Variants in IL12RB1 observed in about 807,000 individuals in gnomAD.
The protein encoded by IL12RB1 is interleukin 12 receptor subunit beta 1.
Under a neutral mutation model 94.4 loss-of-function variants are expected in IL12RB1, and 64 were observed. That is an observed-to-expected ratio of 0.68 (90% CI 0.55 to 0.83). The LOEUF (loss-of-function observed/expected upper bound fraction) is 0.83, where lower values mean the gene tolerates loss of function less well. Among genes scored for constraint, IL12RB1 ranks in the 40% least tolerant of loss-of-function variants. The pLI is 0.00. For missense variants in IL12RB1, 814 were observed against 855.6 expected, an observed-to-expected ratio of 0.95 and a Z score of 0.61; for synonymous variants, 362 against 355.5, an observed-to-expected ratio of 1.02 and a Z score of -0.21.
intron 11 of IL12RB1, among the ~76,000 whole-genome samples, chr19:18,067,089 C>T (rs1446684887): frequency 6.7e-6 from 1 of 149,956 alleles, no homozygotes; most frequent in Non-Finnish European, 1.5e-5. Context: ...ATTGGGAGGC[C>T]AAGGTGGGTA....
chr19:18,074,382 C>A (rs447009), intron 7 of IL12RB1, among the ~76,000 whole-genome samples: 23,000 of 152,114 alleles, frequency 0.15, 2,049 homozygotes, highest in Non-Finnish European at 0.21. Context: ...CTGTTTAGTA[C>A]ACCCTGCCAC....
At chr19:18,084,010 CCCATCCATCCAT>C (rs55727878) in intron 1 of IL12RB1, among the ~76,000 whole-genome samples, 14 of 140,000 alleles carry the variant, frequency 1.0e-4, no homozygotes, top group African/African-American at 3.0e-4. Flanking sequence ...CACCCATCTA[CCCATCCATCCAT>C]CCATCCATCC....
intron 6 of IL12RB1, 45 bp downstream of exon 6, chr19:18,076,252 C>T (rs150619588): frequency 3.9e-6 from 4 of 1,031,256 alleles, no homozygotes; most frequent in African/African-American, 1.6e-5. Flanking sequence ...TCAATTAATG[C>T]CAATTTGCTG....
chr19:18,086,510 T>C (rs1025381319), intron 1 of IL12RB1, among the ~76,000 whole-genome samples: 1 of 151,984 alleles, frequency 6.6e-6, no homozygotes, highest in Admixed American at 6.6e-5. Context: ...CCTTCCTTAG[T>C]TTTTTTTCTC....
In IL12RB1 at chr19:18,061,173, C is replaced by A. The variant is rs775800683; in HGVS notation, c.1740G>T (p.Pro580=). The change falls in exon 15 of 17, where the codon CCG becomes CCT. Residue 580 remains proline (P), a synonymous_variant. Coordinates refer to ENST00000593993, the MANE Select transcript of IL12RB1 (RefSeq NM_005535.3). ...CGGAGCTGGCACAGGGTGTGGGCAG[C>A]GGCGGGCACAGGTGCCGTGCGGCCC... ...LNRAARHLCP[P]LPTPCASSAI... 2.5e-6 allele frequency: 4 copies of A among 1,595,910 alleles called. No homozygotes were observed. The African/African-American group carries it at 4.0e-5, about 16-fold the overall frequency.
At chr19:18,063,809 G>A (rs1568487236) in intron 13 of IL12RB1, 67 bp downstream of exon 13, 1 of 1,463,090 alleles carries the variant, frequency 6.8e-7, no homozygotes, top group Non-Finnish European at 9.4e-7. Flanking sequence ...GGGCTGCTAA[G>A]ATCATTGTGG....
At chr19:18,097,788 G>C (rs965459822) in intron 1 of IL12RB1, 5 of 1,218,240 alleles carry the variant, frequency 4.1e-6, no homozygotes, top group Admixed American at 4.3e-5. Flanking sequence ...GCGGACTCCC[G>C]GGCCATGGAC....
chr19:18,080,206 C>T (rs796801295), intron 4 of IL12RB1, among the ~76,000 whole-genome samples: 33 of 151,970 alleles, frequency 2.2e-4, no homozygotes, highest in African/African-American at 7.2e-4. Flanking sequence ...CAGGCATGCA[C>T]CACCACACCA....
At chr19:18,073,861 A>G (rs1405432038) in intron 7 of IL12RB1, among the ~76,000 whole-genome samples, 1 of 152,134 alleles carries the variant, frequency 6.6e-6, no homozygotes, top group Admixed American at 6.6e-5. Flanking sequence ...GTCTCACTCT[A>G]TTACCTAGGC....
At position 18,083,492 on chromosome 19, in the gene IL12RB1, C is replaced by A. The variant is rs2036058632; in HGVS notation, c.65-1G>T. 6.2e-7 allele frequency: 1 copy of A among 1,613,736 alleles called. No individual in the cohort carries two copies. The highest frequency in any genetic ancestry group is 8.5e-7 in the Non-Finnish European group (1 of 1,179,944). On this transcript the variant is annotated splice_acceptor_variant, in intron 1 of 16. Coordinates refer to ENST00000593993, the MANE Select transcript of IL12RB1 (RefSeq NM_005535.3). LOFTEE classifies it high-confidence loss of function. ...CAGCACTCACTGGTTCTGCAGGCAG[C>A]TGCAAAGGCAATGAAGACATAATGA...
intron 13 of IL12RB1, among the ~76,000 whole-genome samples, chr19:18,063,063 CCTTCTTCTT>C (rs72009865): frequency 7.3e-6 from 1 of 136,202 alleles, no homozygotes; most frequent in African/African-American, 2.9e-5. Flanking sequence ...TCTTTCTTCT[CCTTCTTCTT>C]CTTCTATTTT....
chr19:18,085,312 C>T (rs17886674), intron 1 of IL12RB1, among the ~76,000 whole-genome samples: 2,084 of 151,850 alleles, frequency 0.014, 69 homozygotes, highest in African/African-American at 0.048. Context: ...CCTTCCATCT[C>T]TCTCTGTGAT....
Position 18,080,861 on chromosome 19 carries a change from G to A in IL12RB1, c.380C>T (p.Pro127Leu), listed in dbSNP as rs774846440. The change falls in exon 4 of 17, where the codon CCT becomes CTT. Residue 127 changes from proline to leucine, a missense_variant. Transcript: ENST00000593993. ...GTTGTAGAGCTGCAGGGTCACCTCA[G>A]GAGACTTCTCTGTCTGGTTCCTGGC... The part of the protein sequence containing the change: ...SWARNQTEKS[P>L]EVTLQLYNSV... 3.1e-6 allele frequency: 5 copies of A among 1,612,176 alleles called. No homozygotes were observed. The East Asian group carries it at 6.7e-5, about 22-fold the overall frequency.
At chr19:18,087,638 C>T (rs560377644), upstream of IL12RB1, among the ~76,000 whole-genome samples, 78 of 152,080 alleles carry the variant, frequency 5.1e-4, no homozygotes, top group Admixed American at 1.8e-3. Flanking sequence ...ACCTCAGCCT[C>T]CCCAGGAACT....
Position 18,086,224 on chromosome 19 carries a change from GTAAATAAATAAATAAATAAA to G in IL12RB1, c.64+516_64+535del, listed in dbSNP as rs71833814. On this transcript the variant is annotated intron_variant, in intron 1 of 16. Transcript: ENST00000593993. ...GGACACAGAGTGAGACCCTACCTCA[GTAAATAAATAAATAAATAAA>G]TAAATAAATAAATAAATAAATAAAT... Among the ~76,000 whole-genome samples, 1,286 of 140,790 alleles carry G rather than the reference GTAAATAAATAAATAAATAAA, an allele frequency of 9.1e-3. 19 individuals carry two copies. Among genetic ancestry groups the G allele is most frequent in the East Asian group, 0.033 (152 of 4,602 alleles). 92.4% of individuals were successfully genotyped at this position (140,790 alleles called of 152,430 possible).
chr19:18,069,038 C>T (rs563935360), intron 10 of IL12RB1, among the ~76,000 whole-genome samples: 1 of 152,134 alleles, frequency 6.6e-6, no homozygotes, highest in African/African-American at 2.4e-5. Context: ...GTGTTAGCCA[C>T]CTTGCCCGGA....
rs1269831268 is a variant in IL12RB1, at chr19:18,069,668, A to C, written c.1067T>G (p.Met356Arg). 1 of 1,612,288 alleles carries C rather than the reference A, an allele frequency of 6.2e-7. No individual in the cohort carries two copies. Among genetic ancestry groups the C allele is most frequent in the East Asian group, 2.2e-5 (1 of 44,858 alleles). ...NISVGTNGTT[M>R]YWPARAQSMT... Reference sequence around the variant, plus strand: ...GCTCTGAGCCCGGGCTGGCCAATACATGGTGGTCCCGTTGGTTCCGACGCT... The same window carrying C: ...GCTCTGAGCCCGGGCTGGCCAATACCTGGTGGTCCCGTTGGTTCCGACGCT... The change falls in exon 10 of 17, where the codon ATG becomes AGG. Residue 356 changes from methionine to arginine, a missense_variant. Physicochemically the swap from Met to Arg is moderately conservative, Grantham distance 91 (BLOSUM62 -1). Coordinates refer to ENST00000593993, the MANE Select transcript of IL12RB1 (RefSeq NM_005535.3).
At chr19:18,062,365 C>T (rs1599444918) in intron 13 of IL12RB1, 88 bp from the exon 14 acceptor site, 1 of 766,694 alleles carries the variant, frequency 1.3e-6, no homozygotes, top group South Asian at 1.7e-5. Context: ...TCTCCATGAA[C>T]TTGCTGCTGA....
chr19:18,068,028 T>C (rs1382853862), intron 11 of IL12RB1, among the ~76,000 whole-genome samples: 2 of 133,006 alleles, frequency 1.5e-5, no homozygotes, highest in Non-Finnish European at 3.2e-5. Context: ...TTTTTTTTTT[T>C]TTTTTTTTTT....
Sources: gnomAD v4.1 joint callset for allele counts (sites outside exome capture counted in the v4.1 genomes callset) on GRCh38, gnomAD v4.1.1 for gene constraint, MANE v1.5 for transcripts, NCBI Gene and HGNC (gene_info 2026-07-23, HGNC 2026-07-21) for gene names.